Variants in CACNA1D observed in about 807,000 individuals in gnomAD.
CACNA1D encodes the protein calcium voltage-gated channel subunit alpha1 D, also known as voltage-dependent L-type calcium channel subunit alpha-1D.
Under a neutral mutation model 257.1 loss-of-function variants are expected in CACNA1D, and 55 were observed. The ratio of observed to expected loss-of-function variants is 0.21; its 90% CI spans 0.17 to 0.27. The LOEUF (loss-of-function observed/expected upper bound fraction) is 0.27. CACNA1D is among the 10% of genes least tolerant of loss of function. The pLI is 1.00. For synonymous variants in CACNA1D, 980 were observed against 1,014.9 expected (o/e 0.97, Z 0.65); for missense variants, 1,876 against 2,784.0 (o/e 0.67, Z 7.34).
At chr3:53,775,727 G>A (rs183754701) in intron 34 of CACNA1D, among the ~76,000 whole-genome samples, 159 bp from the exon 35 acceptor site, 14 of 152,258 alleles carry the variant, frequency 9.2e-5, no homozygotes, top group Admixed American at 8.5e-4. Flanking sequence ...TAAGTTGCAC[G>A]TGAAAATCAG....
chr3:53,788,980 T>C (rs1175559339), intron 40 of CACNA1D, among the ~76,000 whole-genome samples: 5 of 152,184 alleles, frequency 3.3e-5, no homozygotes, highest in Non-Finnish European at 5.9e-5. Flanking sequence ...TTTTAAGATA[T>C]GCACAAACAA....
Position 53,561,491 on chromosome 3 carries a change from C to T in CACNA1D, c.483+59771C>T, listed in dbSNP as rs568382545. ...TGAGCATCCTAATCACAGACAGCGA[C>T]TTTGGAAAGAGATGGTACACCTTGT... On this transcript the variant is annotated intron_variant, in intron 3 of 47. Transcript: ENST00000350061. Among the ~76,000 whole-genome samples the T allele has an allele frequency of 3.3e-5, 5 of 152,252 alleles. No homozygotes were observed. The East Asian group carries it at 9.7e-4, about 29-fold the overall frequency.
intron 3 of CACNA1D, among the ~76,000 whole-genome samples, chr3:53,561,899 C>T (rs2092747481): frequency 1.3e-5 from 2 of 152,142 alleles, no homozygotes; most frequent in Admixed American, 1.3e-4. Flanking sequence ...ATCCCTTTTA[C>T]ATTGCATGTC....
At chr3:53,500,561 T>C (rs1251978476) in intron 2 of CACNA1D, among the ~76,000 whole-genome samples, 3 of 152,256 alleles carry the variant, frequency 2.0e-5, no homozygotes, top group Admixed American at 6.5e-5. Context: ...CAGTTTTAAG[T>C]ACCTTGAAGT....
In CACNA1D at chr3:53,718,309, C is replaced by G; in HGVS notation, c.1399C>G (p.Pro467Ala). Reference protein sequence around the residue: ...GEEGKRNTSMPTSETESVNTE... With the variant: ...GEEGKRNTSMATSETESVNTE... ...CCGTCTTCTCCCCACAGCTAGCATG[C>G]CCACCAGCGAGACTGAGTCTGTGAA... Residue 467 changes from proline (P) to alanine (A), a missense_variant, in exon 10 of 48, where the codon CCC (proline) becomes GCC (alanine). By Grantham distance (27) the Pro-to-Ala change is conservative. This residue lies in a region of CACNA1D where 257 missense variants were observed against 399.7 expected (regional missense o/e 0.64). Coordinates refer to ENST00000350061, the MANE Select transcript of CACNA1D (RefSeq NM_001128840.3). 1 of 1,613,938 alleles carries G rather than the reference C, an allele frequency of 6.2e-7. No homozygotes were observed. The highest frequency in any genetic ancestry group is 8.5e-7 in the Non-Finnish European group (1 of 1,179,822).
chr3:53,527,917 T>C (rs1180888373), intron 3 of CACNA1D, among the ~76,000 whole-genome samples: 1 of 152,210 alleles, frequency 6.6e-6, no homozygotes, highest in African/African-American at 2.4e-5. Context: ...TAGGCTCTCA[T>C]TAGAACTTCT....
chr3:53,606,277 C>T (rs2093508886), intron 3 of CACNA1D, among the ~76,000 whole-genome samples: 1 of 152,212 alleles, frequency 6.6e-6, no homozygotes, highest in African/African-American at 2.4e-5. Flanking sequence ...AACCCTTGAG[C>T]CAAAGTACAG....
chr3:53,651,375 T>TTTTTTTTC, intron 4 of CACNA1D, among the ~76,000 whole-genome samples: 1 of 143,460 alleles, frequency 7.0e-6, no homozygotes, highest in South Asian at 2.3e-4. Context: ...TCTTTTTTTT[T>TTTTTTTTC]TTTTTTTTTT....
At position 53,497,139 on chromosome 3, in the gene CACNA1D, T is replaced by C. The variant is rs991468238; in HGVS notation, c.68-13T>C. On this transcript the variant is annotated splice_polypyrimidine_tract_variant and intron_variant, in intron 1 of 47. Coordinates refer to ENST00000350061, the MANE Select transcript of CACNA1D (RefSeq NM_001128840.3). ...TTAAAAAAAAAAATCTTTGTTTTTC[T>C]CCTTCTCCCCAGAGGCAAACTATGC... 6.2e-7 allele frequency: 1 copy of C among 1,612,068 alleles called. No homozygotes were observed. Among genetic ancestry groups the C allele is most frequent in the Non-Finnish European group, 8.5e-7 (1 of 1,178,874 alleles).
chr3:53,625,919 T>C (rs1413689554), intron 3 of CACNA1D, among the ~76,000 whole-genome samples: 1 of 152,180 alleles, frequency 6.6e-6, no homozygotes, highest in East Asian at 1.9e-4. Flanking sequence ...GGTCCAACTT[T>C]CTGCCTTCAG....
intron 40 of CACNA1D, among the ~76,000 whole-genome samples, chr3:53,787,886 T>A (rs2095464178): frequency 6.6e-6 from 1 of 152,178 alleles, no homozygotes; most frequent in Non-Finnish European, 1.5e-5. Context: ...AGAGTGCTCA[T>A]AATCCATCAT....
chr3:53,596,193 C>T (rs1483773381), intron 3 of CACNA1D, among the ~76,000 whole-genome samples: 5 of 152,114 alleles, frequency 3.3e-5, no homozygotes, highest in African/African-American at 1.2e-4. Flanking sequence ...ACTAGGGAGT[C>T]TGGATTCGAA....
At chr3:53,544,478 A>G (rs1280460747) in intron 3 of CACNA1D, among the ~76,000 whole-genome samples, 2 of 151,914 alleles carry the variant, frequency 1.3e-5, no homozygotes, top group African/African-American at 4.8e-5. Flanking sequence ...CTCAGGGAGA[A>G]AGCTTCATGC....
At chr3:53,511,492 A>G (rs141960016) in intron 3 of CACNA1D, among the ~76,000 whole-genome samples, 2 of 152,332 alleles carry the variant, frequency 1.3e-5, no homozygotes, top group East Asian at 3.9e-4. Context: ...TGTAAGGTAC[A>G]TTGTTGGAGC....
chr3:53,800,962 A>T lies in CACNA1D; in HGVS notation c.5041-96A>T. On this transcript the variant is annotated intron_variant, in intron 41 of 47. Coordinates refer to ENST00000350061, the MANE Select transcript of CACNA1D (RefSeq NM_001128840.3). This position sits in a 1 kb window ranked among gnomAD's most constrained non-coding sequence, Gnocchi z 4.3. ...TACAGGGATCCTACGGAGCTTGCCT[A>T]GAATTTGTTTTTCATGTAGAAAAAG... The T allele has an allele frequency of 8.2e-7, 1 of 1,217,944 alleles. No individual in the cohort carries two copies. Among genetic ancestry groups the T allele is most frequent in the Non-Finnish European group, 1.2e-6 (1 of 824,734 alleles). The allele number at this position is 1,217,944 out of a possible 1,614,324, so 75.4% of individuals were successfully genotyped here. A position where few individuals can be genotyped will look rare whatever the true frequency, so the allele number is the denominator to read the frequency against.
chr3:53,664,538 C>T (rs2094240190), intron 5 of CACNA1D, among the ~76,000 whole-genome samples: 1 of 152,226 alleles, frequency 6.6e-6, no homozygotes, highest in African/African-American at 2.4e-5. Context: ...ATTTTCTTTT[C>T]CACTAACCAC....
chr3:53,749,580 C>G, intron 27 of CACNA1D, 111 bp downstream of exon 27: 1 of 785,164 alleles, frequency 1.3e-6, no homozygotes, highest in South Asian at 1.4e-5. Flanking sequence ...ACTGTCTGTC[C>G]CTGGGGCTAG....
At chr3:53,711,657 T>A (rs2094757204) in intron 9 of CACNA1D, among the ~76,000 whole-genome samples, 1 of 152,220 alleles carries the variant, frequency 6.6e-6, no homozygotes, top group Admixed American at 6.5e-5. Flanking sequence ...CTCTTTTCTT[T>A]GAAGTGGCCT....
chr3:53,533,981 A>G lies in CACNA1D; in HGVS notation c.483+32261A>G, dbSNP rs574948724. ...ATACATTTCAGAAGAATATTATTAA[A>G]AAGACTCATAGTAGTGGGTGTATGC... On this transcript the variant is annotated intron_variant, in intron 3 of 47. Transcript: ENST00000350061. Among the ~76,000 whole-genome samples the G allele has an allele frequency of 5.9e-5, 9 of 152,316 alleles. No individual in the cohort carries two copies. In the East Asian group the frequency reaches 1.3e-3, roughly 23 times the overall value.
Sources: allele counts gnomAD v4.1 joint callset (sites outside exome capture counted in the v4.1 genomes callset), GRCh38; gene constraint gnomAD v4.1.1; regional missense constraint gnomAD v4.1.1; non-coding constraint Gnocchi (gnomAD v3.1); transcripts MANE v1.5; gene names NCBI Gene and HGNC (gene_info 2026-07-23, HGNC 2026-07-21).